Variants in WASHC2C observed in about 807,000 individuals in gnomAD.
WASHC2C encodes Vaccinia Penetration Factor.
A neutral mutation model predicts 142.2 loss-of-function variants in WASHC2C; 73 were observed. The observed-to-expected ratio is 0.51, with a 90% CI of 0.43 to 0.62. The LOEUF is 0.62. Ranked by LOEUF, WASHC2C falls within the 20% of genes least tolerant of loss-of-function variation. WASHC2C has a pLI of 0.00. For missense variants in WASHC2C, 969 were observed against 1,531.7 expected (o/e 0.63, Z 6.13); for synonymous variants, 337 against 565.5 (o/e 0.60, Z 5.73).
intron 20 of WASHC2C, among the ~76,000 whole-genome samples, chr10:45,770,193 A>G (rs1419316235): frequency 6.7e-6 from 1 of 149,890 alleles, no homozygotes; most frequent in African/African-American, 2.5e-5. Flanking sequence ...GTGAGCTGAG[A>G]TGGCACCACT....
At chr10:45,764,396 C>A (rs2055531899) in intron 18 of WASHC2C, among the ~76,000 whole-genome samples, 1 of 151,700 alleles carries the variant, frequency 6.6e-6, no homozygotes, top group African/African-American at 2.4e-5. Flanking sequence ...AGAAGTGGAC[C>A]TGTGCAGCTC....
chr10:45,750,938 A>G (rs1423095433), intron 10 of WASHC2C, 100 bp downstream of exon 10: 5 of 845,818 alleles, frequency 5.9e-6, no homozygotes, highest in Non-Finnish European at 5.5e-6. Context: ...AGTAATTACT[A>G]CATATATTTA....
chr10:45,734,460 AT>A (rs1378606622), intron 3 of WASHC2C, among the ~76,000 whole-genome samples: 3 of 150,258 alleles, frequency 2.0e-5, no homozygotes, highest in Admixed American at 6.6e-5. Flanking sequence ...TGTGAATTTA[AT>A]TTTTTTGTTC....
At chr10:45,727,247 T>A, upstream of WASHC2C, 2 of 1,531,600 alleles carry the variant, frequency 1.3e-6, no homozygotes, top group Admixed American at 4.1e-5. Flanking sequence ...TGGCTGGGGC[T>A]AGGCTTCCGG....
At position 45,788,946 on chromosome 10, in the gene WASHC2C, G is replaced by A. The variant is rs1180693308; in HGVS notation, c.3163G>A (p.Glu1055Lys). The A allele has an allele frequency of 1.6e-5, 26 of 1,611,946 alleles. No individual in the cohort carries two copies. In the Admixed American group the frequency reaches 2.8e-4, roughly 18 times the overall value. ...ARRLAAQESS[E>K]AEDMSVPRGP... Reference sequence around the variant, plus strand: ...GCGGCTGGCTGCTCAGGAGTCCAGCGAGGCTGAGGACATGAGCGTCCCCAG... The same window carrying A: ...GCGGCTGGCTGCTCAGGAGTCCAGCAAGGCTGAGGACATGAGCGTCCCCAG... Residue 1055 changes from glutamate to lysine, a missense_variant, in exon 29 of 31, where the codon GAG (glutamate) becomes AAG (lysine). Physicochemically the swap from Glu to Lys is moderately conservative, Grantham distance 56 (BLOSUM62 1). Coordinates refer to ENST00000623400, the MANE Select transcript of WASHC2C (RefSeq NM_001330074.2).
At chr10:45,727,341 AGGGGCCGGCCTGGGCT>A (rs1186567967) in intron 1 of WASHC2C, 21 bp downstream of exon 1, 3 of 1,591,888 alleles carry the variant, frequency 1.9e-6, no homozygotes, top group Non-Finnish European at 2.6e-6. Flanking sequence ...CGGGCCGGAG[AGGGGCCGGCCTGGGCT>A]GGGGCCGCCG....
intron 12 of WASHC2C, 59 bp downstream of exon 12, chr10:45,752,765 G>C: frequency 1.7e-6 from 2 of 1,159,548 alleles, no homozygotes; most frequent in Non-Finnish European, 2.5e-6. Flanking sequence ...GGTCCACAGG[G>C]AAGATATAGG....
chr10:45,772,836 A>G (rs539749014), intron 20 of WASHC2C, among the ~76,000 whole-genome samples: 10 of 152,368 alleles, frequency 6.6e-5, no homozygotes, highest in African/African-American at 2.4e-4. Flanking sequence ...GTCATTTCCC[A>G]GTGCTAATCC....
chr10:45,775,111 C>G (rs2135470419), intron 21 of WASHC2C, among the ~76,000 whole-genome samples: 1 of 136,994 alleles, frequency 7.3e-6, no homozygotes, highest in Admixed American at 7.4e-5. Context: ...GGCCCGGTTT[C>G]TATTACCCAT....
At chr10:45,757,883 C>G (rs552887788) in intron 16 of WASHC2C, among the ~76,000 whole-genome samples, 38 of 152,368 alleles carry the variant, frequency 2.5e-4, no homozygotes, top group African/African-American at 9.1e-4. Context: ...CTGTGCGGCC[C>G]GGCTTCTAAC....
chr10:45,782,414 T>C (rs2057581452), intron 23 of WASHC2C, among the ~76,000 whole-genome samples: 1 of 141,132 alleles, frequency 7.1e-6, no homozygotes, highest in African/African-American at 2.7e-5. Context: ...TACCACTTCA[T>C]ACCCGGGAAG....
Position 45,755,116 on chromosome 10 carries a change from G to A in WASHC2C, c.1420+1G>A, listed in dbSNP as rs782560786. ...CCCCACAGCAAACCTTCTAAAACAC[G>A]TATGTGTTCCTGCCTCCGTTTCTAG... On this transcript the variant is annotated splice_donor_variant, in intron 15 of 30. Transcript: ENST00000623400. LOFTEE classifies it high-confidence loss of function. 4 of 1,604,220 alleles carry A rather than the reference G, an allele frequency of 2.5e-6. No individual in the cohort carries two copies. The highest frequency in any genetic ancestry group is 2.2e-5 in the East Asian group (1 of 44,614).
At chr10:45,791,254 C>G (rs1250947460) in intron 30 of WASHC2C, among the ~76,000 whole-genome samples, 1 of 152,148 alleles carries the variant, frequency 6.6e-6, no homozygotes, top group Non-Finnish European at 1.5e-5. Flanking sequence ...TGCTCTGTCT[C>G]CCCTGCTTCC....
intron 8 of WASHC2C, among the ~76,000 whole-genome samples, chr10:45,748,565 C>T (rs1326952669): frequency 3.3e-5 from 5 of 152,200 alleles, no homozygotes; most frequent in African/African-American, 1.2e-4. Flanking sequence ...GTTGGGATTA[C>T]AGGCGTGAGC....
intron 8 of WASHC2C, among the ~76,000 whole-genome samples, chr10:45,748,255 A>T (rs2053091822): frequency 8.0e-6 from 1 of 125,068 alleles, no homozygotes; most frequent in African/African-American, 3.1e-5. Flanking sequence ...TCCTATTAAG[A>T]TCTGTAAATG....
chr10:45,727,130 C>A, upstream of WASHC2C: 3 of 1,421,600 alleles, frequency 2.1e-6, no homozygotes, highest in Non-Finnish European at 2.7e-6. Context: ...AACTCCAGTC[C>A]CAGTCCACTT....
chr10:45,734,456 T>C (rs1554863669), intron 3 of WASHC2C, among the ~76,000 whole-genome samples: 1 of 152,008 alleles, frequency 6.6e-6, no homozygotes, highest in African/African-American at 2.4e-5. Flanking sequence ...CTTTTGTGAA[T>C]TTAATTTTTT....
intron 5 of WASHC2C, 28 bp from the exon 6 acceptor site, chr10:45,743,362 G>T: frequency 1.9e-6 from 3 of 1,611,894 alleles, no homozygotes; most frequent in Non-Finnish European, 2.5e-6. Context: ...TGAAATGTTT[G>T]ACAGCCTATT....
intron 17 of WASHC2C, among the ~76,000 whole-genome samples, chr10:45,762,364 C>T (rs1406386474): frequency 6.6e-6 from 1 of 151,912 alleles, no homozygotes; most frequent in Non-Finnish European, 1.5e-5. Context: ...AGGCACCCAC[C>T]ACCACACCTG....
Sources: allele counts gnomAD v4.1 joint callset (sites outside exome capture counted in the v4.1 genomes callset), GRCh38; gene constraint gnomAD v4.1.1; transcripts MANE v1.5; gene names NCBI Gene and HGNC (gene_info 2026-07-23, HGNC 2026-07-21).